Variants in CRIM1 observed in about 807,000 individuals in gnomAD.
CRIM1 encodes cysteine rich transmembrane BMP regulator 1.
A neutral mutation model predicts 116.4 loss-of-function variants in CRIM1; 32 were observed. The observed-to-expected ratio is 0.27, with a 90% CI of 0.21 to 0.37. The LOEUF is 0.37. CRIM1 is among the 10% of genes least tolerant of loss of function. The pLI, the probability that CRIM1 is intolerant of heterozygous loss-of-function variation, is 1.00. For missense variants in CRIM1, 1,331 were observed against 1,354.8 expected, an observed-to-expected ratio of 0.98 and a Z score of 0.28; for synonymous variants, 590 against 509.2, an observed-to-expected ratio of 1.16 and a Z score of -2.13.
At chr2:36,421,471 G>C (rs906530827) in intron 2 of CRIM1, among the ~76,000 whole-genome samples, 1 of 152,082 alleles carries the variant, frequency 6.6e-6, no homozygotes, top group South Asian at 2.1e-4. Context: ...CTAGATATGA[G>C]CCCAGTTTAA....
chr2:36,380,999 C>G (rs1670706901), intron 1 of CRIM1, among the ~76,000 whole-genome samples: 1 of 152,246 alleles, frequency 6.6e-6, no homozygotes, highest in African/African-American at 2.4e-5. Context: ...CTGGGGCCCC[C>G]CCGCTGCTCT....
chr2:36,505,372 C>T (rs1681319440), intron 8 of CRIM1, among the ~76,000 whole-genome samples: 1 of 149,566 alleles, frequency 6.7e-6, no homozygotes, highest in Non-Finnish European at 1.5e-5. Flanking sequence ...TAAGTTCCTA[C>T]CATATATTTC....
intron 1 of CRIM1, among the ~76,000 whole-genome samples, chr2:36,375,851 T>C (rs901790666): frequency 1.3e-5 from 2 of 152,218 alleles, no homozygotes; most frequent in African/African-American, 4.8e-5. Context: ...CCTTGTGTAT[T>C]TGTAGAGTTT....
Position 36,389,799 on chromosome 2 carries a change from C to T in CRIM1, c.332-6815C>T, listed in dbSNP as rs571584030. ...TTTCATGTTAGTGGAATTTCACACA[C>T]CAGCAAGCAGATGGAAAGATATGTT... On this transcript the variant is annotated intron_variant, in intron 1 of 16. Coordinates refer to ENST00000280527, the MANE Select transcript of CRIM1 (RefSeq NM_016441.3). 1.9e-4 allele frequency among the ~76,000 whole-genome samples: 29 copies of T among 152,234 alleles called. No homozygotes were observed. In the South Asian group the frequency reaches 5.8e-3, roughly 30 times the overall value.
At chr2:36,445,797 C>G (rs560120036) in intron 4 of CRIM1, among the ~76,000 whole-genome samples, 2 of 151,830 alleles carry the variant, frequency 1.3e-5, no homozygotes, top group African/African-American at 4.8e-5. Context: ...AAAAAAAAAG[C>G]CTAACATGTA....
At chr2:36,407,981 C>T (rs952530171) in intron 2 of CRIM1, among the ~76,000 whole-genome samples, 2 of 152,026 alleles carry the variant, frequency 1.3e-5, no homozygotes, top group South Asian at 2.1e-4. Flanking sequence ...CTCTTCTGTC[C>T]AAAGATGTGC....
chr2:36,546,702 T>C (rs1374430401), intron 15 of CRIM1, among the ~76,000 whole-genome samples: 1 of 151,830 alleles, frequency 6.6e-6, no homozygotes, highest in Non-Finnish European at 1.5e-5. Flanking sequence ...AAGCACCTTC[T>C]TATTTCCTTG....
intron 1 of CRIM1, among the ~76,000 whole-genome samples, chr2:36,371,596 G>C (rs1669951378): frequency 6.6e-6 from 1 of 152,236 alleles, no homozygotes. Context: ...GGTTAACTTT[G>C]CTCATGCCGA....
At chr2:36,537,904 A>G (rs1666665380) in intron 14 of CRIM1, among the ~76,000 whole-genome samples, 1 of 152,236 alleles carries the variant, frequency 6.6e-6, no homozygotes, top group Non-Finnish European at 1.5e-5. Context: ...CCCAGAAGGG[A>G]AGATGCTTAA....
At chr2:36,432,372 TATATAA>T (rs1284362946) in intron 2 of CRIM1, among the ~76,000 whole-genome samples, 2 of 152,248 alleles carry the variant, frequency 1.3e-5, no homozygotes, top group South Asian at 2.1e-4. Context: ...GGTGTGTGAA[TATATAA>T]ATATAATTAT....
intron 4 of CRIM1, among the ~76,000 whole-genome samples, chr2:36,453,567 A>G (rs1676896965): frequency 1.3e-5 from 2 of 152,348 alleles, no homozygotes; most frequent in East Asian, 1.9e-4. Context: ...AAGTCCTAGC[A>G]TCAAAACCCC....
intron 2 of CRIM1, among the ~76,000 whole-genome samples, chr2:36,415,080 G>T (rs963552386): frequency 6.6e-6 from 1 of 152,114 alleles, no homozygotes; most frequent in Admixed American, 6.5e-5. Context: ...TAGCAGAGGA[G>T]TTGGATAGAT....
chr2:36,356,420 C>T lies in CRIM1; in HGVS notation c.128C>T (p.Ser43Phe), dbSNP rs1000339974. The change falls in exon 1 of 17, where the codon TCC (serine) becomes TTC (phenylalanine). Residue 43 changes from serine to phenylalanine, a missense_variant. Ser to Phe is a radical substitution (Grantham distance 155). This residue lies in a region of CRIM1 where 690 missense variants were observed against 676.0 expected (regional missense o/e 1.02). Coordinates refer to ENST00000280527, the MANE Select transcript of CRIM1 (RefSeq NM_016441.3). This position sits in a 1 kb window ranked among gnomAD's most constrained non-coding sequence, Gnocchi z 4.3. ...RALVCLPCDE[S>F]KCEEPRNCPG... ...CTGGTCTGCCTGCCCTGTGACGAGTCCAAGTGCGAGGAGCCCAGGAACTGC... is the reference window on the plus strand; with the variant it reads ...CTGGTCTGCCTGCCCTGTGACGAGTTCAAGTGCGAGGAGCCCAGGAACTGC... 1 of 1,610,694 alleles carries T rather than the reference C, an allele frequency of 6.2e-7. No individual in the cohort carries two copies. The highest frequency in any genetic ancestry group is 1.1e-5 in the South Asian group (1 of 90,852).
intron 2 of CRIM1, among the ~76,000 whole-genome samples, chr2:36,430,182 A>T (rs193184630): frequency 2.2e-4 from 33 of 152,296 alleles, no homozygotes; most frequent in African/African-American, 7.5e-4. Context: ...ACTGACTGTG[A>T]TGAACAGGGA....
intron 1 of CRIM1, among the ~76,000 whole-genome samples, chr2:36,368,834 C>T (rs80178879): frequency 0.015 from 2,243 of 152,238 alleles, 66 homozygotes; most frequent in African/African-American, 0.051. Flanking sequence ...CTTTTTGCTC[C>T]AGAAAATTTT....
intron 7 of CRIM1, among the ~76,000 whole-genome samples, chr2:36,488,354 G>A (rs1679984708): frequency 6.6e-6 from 1 of 152,188 alleles, no homozygotes; most frequent in African/African-American, 2.4e-5. Context: ...GGTGGCAGGA[G>A]CAGCATCATA....
chr2:36,433,086 C>T (rs1675019726), intron 2 of CRIM1, among the ~76,000 whole-genome samples: 1 of 152,122 alleles, frequency 6.6e-6, no homozygotes, highest in African/African-American at 2.4e-5. Flanking sequence ...TAGGAGATGC[C>T]GATGCTGCTG....
Position 36,438,439 on chromosome 2 carries a change from A to G in CRIM1, c.506-2819A>G, listed in dbSNP as rs1558584110. 2.6e-5 allele frequency among the ~76,000 whole-genome samples: 4 copies of G among 152,224 alleles called. No individual in the cohort carries two copies. The South Asian group carries it at 8.3e-4, about 32-fold the overall frequency. On this transcript the variant is annotated intron_variant, in intron 2 of 16. Transcript: ENST00000280527. ...CTCCAACTTAATCTGCATACATTCA[A>G]GATTCGCCTTCTCCTCCTCACCTCT... is the stretch of plus-strand genomic sequence containing the variant.
intron 13 of CRIM1, among the ~76,000 whole-genome samples, chr2:36,526,780 A>G (rs1665787721): frequency 6.6e-6 from 1 of 152,224 alleles, no homozygotes; most frequent in South Asian, 2.1e-4. Context: ...TATTAAAAAG[A>G]AAAAGTACTA....
Sources: gnomAD v4.1 joint callset for allele counts (sites outside exome capture counted in the v4.1 genomes callset) on GRCh38, gnomAD v4.1.1 for gene constraint, gnomAD v4.1.1 regional missense constraint, Gnocchi (gnomAD v3.1) non-coding constraint, MANE v1.5 for transcripts, NCBI Gene and HGNC (gene_info 2026-07-23, HGNC 2026-07-21) for gene names.